CEP126: variants seen among roughly 807,000 people sequenced by gnomAD.
CEP126 encodes centrosomal protein 126, also known as centrosomal protein of 126 kDa.
CEP126 carries 74 observed loss-of-function variants against 107.8 expected under a neutral mutation model. That is an observed-to-expected ratio of 0.69 (90% confidence interval 0.57 to 0.83). The LOEUF (loss-of-function observed/expected upper bound fraction) is 0.83, where lower values mean the gene tolerates loss of function less well. Ranked by LOEUF, CEP126 falls within the 40% of genes least tolerant of loss-of-function variation. The pLI is 0.00. For synonymous variants in CEP126, 449 were observed against 446.0 expected, an observed-to-expected ratio of 1.01 and a Z score of -0.08; for missense variants, 1,237 against 1,281.9, an observed-to-expected ratio of 0.96 and a Z score of 0.53.
At position 101,962,655 on chromosome 11, in the gene CEP126, A is replaced by G. The variant is rs982836523; in HGVS notation, c.1620A>G (p.Leu540=). 6.2e-7 allele frequency: 1 copy of G among 1,612,822 alleles called. No homozygotes were observed. The highest frequency in any genetic ancestry group is 1.1e-5 in the South Asian group (1 of 90,626). Residue 540 remains leucine, a synonymous_variant, in exon 6 of 11, where the codon TTA becomes TTG. Transcript: ENST00000263468. ...ATTCAAAAGATGAAAAACAAAAATT[A>G]GCTGAAACATCATCCTTGTCTAATG... The part of the protein sequence containing the change: ...NPDSKDEKQK[L]AETSSLSNVT...
intron 2 of CEP126, among the ~76,000 whole-genome samples, chr11:101,937,531 C>G (rs1352400677): frequency 6.6e-6 from 1 of 152,122 alleles, no homozygotes; most frequent in Non-Finnish European, 1.5e-5. Flanking sequence ...GATGCTTAAC[C>G]TGTATTTTGT....
chr11:101,995,265 T>C (rs1941429829), intron 10 of CEP126, among the ~76,000 whole-genome samples: 1 of 152,190 alleles, frequency 6.6e-6, no homozygotes, highest in South Asian at 2.1e-4. Flanking sequence ...TTTTCTAATG[T>C]AGTAGGTCTG....
Position 101,962,646 on chromosome 11 carries a change from A to G in CEP126, c.1611A>G (p.Lys537=), listed in dbSNP as rs765959566. 2.2e-5 allele frequency: 36 copies of G among 1,612,694 alleles called. No individual in the cohort carries two copies. The highest frequency in any genetic ancestry group is 2.9e-5 in the Non-Finnish European group (34 of 1,179,656). The change falls in exon 6 of 11, where the codon AAA becomes AAG. Residue 537 remains lysine (K), a synonymous_variant. Transcript: ENST00000263468. ...ACAATCCTGATTCAAAAGATGAAAA[A>G]CAAAAATTAGCTGAAACATCATCCT... ...IPHNPDSKDE[K]QKLAETSSLS...
chr11:101,978,937 T>G (rs1328854874), intron 7 of CEP126, among the ~76,000 whole-genome samples: 1 of 152,136 alleles, frequency 6.6e-6, no homozygotes, highest in East Asian at 1.9e-4. Context: ...AAGACCAGCC[T>G]GACCAACATG....
intron 3 of CEP126, among the ~76,000 whole-genome samples, chr11:101,945,463 T>TA (rs1472464502): frequency 3.9e-5 from 6 of 152,190 alleles, no homozygotes; most frequent in African/African-American, 1.4e-4. Flanking sequence ...ACAGTCCACT[T>TA]ACAGTTTTTT....
At chr11:101,946,800 C>G (rs956092651) in intron 3 of CEP126, among the ~76,000 whole-genome samples, 1 of 150,510 alleles carries the variant, frequency 6.6e-6, no homozygotes, top group Admixed American at 6.6e-5. Context: ...AGGCAAAGGT[C>G]GTAGTAAGCA....
At chr11:101,976,779 C>A (rs564621478) in intron 6 of CEP126, among the ~76,000 whole-genome samples, 1 of 152,300 alleles carries the variant, frequency 6.6e-6, no homozygotes, top group African/African-American at 2.4e-5. Context: ...AGGTTAACTA[C>A]TCTTTTAAGA....
intron 6 of CEP126, 36 bp downstream of exon 6, chr11:101,963,916 G>A: frequency 4.5e-6 from 6 of 1,347,920 alleles, no homozygotes; most frequent in Non-Finnish European, 5.1e-6. Flanking sequence ...TAGATAAAAT[G>A]TACACCTTTG....
At chr11:101,934,191 G>A (rs995065565) in intron 2 of CEP126, among the ~76,000 whole-genome samples, 1 of 151,988 alleles carries the variant, frequency 6.6e-6, no homozygotes, top group Non-Finnish European at 1.5e-5. Flanking sequence ...TAGATCCTCT[G>A]TGTCATTCCT....
intron 2 of CEP126, among the ~76,000 whole-genome samples, chr11:101,938,008 C>T (rs971692622): frequency 7.3e-5 from 11 of 151,046 alleles, no homozygotes; most frequent in African/African-American, 9.7e-5. Context: ...AAAAAATTAG[C>T]CGGGCGTGGT....
intron 4 of CEP126, chr11:101,956,629 T>C (rs1940896846): frequency 2.2e-6 from 1 of 456,292 alleles, no homozygotes; most frequent in African/African-American, 2.0e-5. Context: ...CTTCCTGTTC[T>C]ACTTCTCCAT....
At position 101,981,965 on chromosome 11, in the gene CEP126, G is replaced by C. The variant is rs1280983337; in HGVS notation, c.3034+1G>C. 1.3e-6 allele frequency: 2 copies of C among 1,493,540 alleles called. No individual in the cohort carries two copies. Among genetic ancestry groups the C allele is most frequent in the South Asian group, 2.4e-5 (2 of 83,442 alleles). The allele number at this position is 1,493,540 out of a possible 1,614,324, so 92.5% of individuals were successfully genotyped here. A position where few individuals can be genotyped will look rare whatever the true frequency, so the allele number is the denominator to read the frequency against. On this transcript the variant is annotated splice_donor_variant, in intron 8 of 10. Transcript: ENST00000263468. LOFTEE classifies it high-confidence loss of function. ...AGGGGTACTTCTTATATTGAAGAAG[G>C]TATGTTTTAGTTTAAACATTTTTCT...
In CEP126 at chr11:101,958,282, C is replaced by T. The variant is rs1274279827; in HGVS notation, c.621C>T (p.Thr207=). The part of the protein sequence containing the change: ...EKEMNENMRA[T]LATSKNVFQL... ...AAATGAATGAAAACATGAGGGCAAC[C>T]TTGGCTACTAGCAAAAATGTGTTCC... is the stretch of plus-strand genomic sequence containing the variant. Residue 207 remains threonine (T), a synonymous_variant, in exon 5 of 11, where the codon ACC becomes ACT. Coordinates refer to ENST00000263468, the MANE Select transcript of CEP126 (RefSeq NM_020802.4). The T allele has an allele frequency of 6.2e-7, 1 of 1,613,994 alleles. No homozygotes were observed. The highest frequency in any genetic ancestry group is 1.7e-4 in the Middle Eastern group (1 of 6,056).
At chr11:101,970,322 T>C (rs1941110745) in intron 6 of CEP126, among the ~76,000 whole-genome samples, 1 of 152,178 alleles carries the variant, frequency 6.6e-6, no homozygotes, top group South Asian at 2.1e-4. Context: ...CACCATAATA[T>C]TGTGCAAAAG....
intron 2 of CEP126, among the ~76,000 whole-genome samples, chr11:101,930,581 A>G (rs953107821): frequency 2.6e-5 from 4 of 152,112 alleles, no homozygotes; most frequent in Admixed American, 6.5e-5. Context: ...CAGGACCCCA[A>G]CGGGTTGCCC....
intron 8 of CEP126, among the ~76,000 whole-genome samples, chr11:101,982,262 G>T (rs1941265162): frequency 6.6e-6 from 1 of 152,062 alleles, no homozygotes; most frequent in African/African-American, 2.4e-5. Flanking sequence ...AATATTTATT[G>T]AATTAAACTC....
At chr11:101,965,689 A>AG (rs1941050349) in intron 6 of CEP126, among the ~76,000 whole-genome samples, 1 of 152,310 alleles carries the variant, frequency 6.6e-6, no homozygotes, top group Admixed American at 6.5e-5. Flanking sequence ...TTGAGTTTGT[A>AG]GCTTGTACCA....
intron 1 of CEP126, among the ~76,000 whole-genome samples, chr11:101,915,648 C>CT (rs1940193980): frequency 2.0e-5 from 3 of 152,186 alleles, no homozygotes; most frequent in African/African-American, 7.2e-5. Context: ...CATTCTTCAA[C>CT]TTTGTAAAAT....
chr11:101,952,593 C>T (rs888915039), intron 4 of CEP126, among the ~76,000 whole-genome samples: 1 of 151,896 alleles, frequency 6.6e-6, no homozygotes, highest in East Asian at 1.9e-4. Flanking sequence ...ATGAGGACTA[C>T]GAGGTTAAGA....
Sources: allele counts gnomAD v4.1 joint callset (sites outside exome capture counted in the v4.1 genomes callset), GRCh38; gene constraint gnomAD v4.1.1; transcripts MANE v1.5; gene names NCBI Gene and HGNC (gene_info 2026-07-23, HGNC 2026-07-21).